The following PXDNL variants were observed in gnomAD, a reference collection of about 807,000 sequenced individuals.
PXDNL encodes the protein peroxidasin like, also known as probable oxidoreductase PXDNL.
PXDNL carries 145 observed loss-of-function variants against 150.8 expected under a neutral mutation model. The observed-to-expected ratio is 0.96, with a 90% confidence interval of 0.84 to 1.10. The LOEUF (loss-of-function observed/expected upper bound fraction) is 1.10. Ranked by LOEUF, PXDNL falls within the 50% of genes least tolerant of loss-of-function variation. The pLI, the probability that PXDNL is intolerant of heterozygous loss-of-function variation, is 0.00. For synonymous variants in PXDNL, 757 were observed against 725.7 expected (o/e 1.04, Z -0.69); for missense variants, 2,087 against 1,873.9 (o/e 1.11, Z -2.10).
intron 2 of PXDNL, among the ~76,000 whole-genome samples, chr8:51,638,792 C>T (rs188773840): frequency 7.9e-5 from 12 of 152,124 alleles, no homozygotes; most frequent in East Asian, 1.9e-4. Flanking sequence ...GACAGATCAA[C>T]GAGACAGAAA....
chr8:51,541,841 C>T lies in PXDNL; in HGVS notation c.380+14999G>A, dbSNP rs180869130. Among the ~76,000 whole-genome samples, 279 of 152,300 alleles carry T rather than the reference C, an allele frequency of 1.8e-3. 1 individual carries two copies. Among genetic ancestry groups the T allele is most frequent in the African/African-American group, 6.5e-3 (270 of 41,544 alleles). ...TTCCCTCATGGACCACAGCCCCTTG[C>T]AGCCTGCTCTCCAGTTCTCCAACAC... On this transcript the variant is annotated intron_variant, in intron 4 of 22. Coordinates refer to ENST00000356297, the MANE Select transcript of PXDNL (RefSeq NM_144651.5).
At chr8:51,664,863 C>T (rs1447678838) in intron 1 of PXDNL, among the ~76,000 whole-genome samples, 1 of 152,180 alleles carries the variant, frequency 6.6e-6, no homozygotes, top group Non-Finnish European at 1.5e-5. Context: ...ACTGAACCTG[C>T]TCATCACAGC....
At chr8:51,753,923 T>C (rs1471939959) in intron 1 of PXDNL, among the ~76,000 whole-genome samples, 1 of 152,198 alleles carries the variant, frequency 6.6e-6, no homozygotes, top group South Asian at 2.1e-4. Flanking sequence ...AAAGTCTCAC[T>C]TAACCTCAAC....
intron 19 of PXDNL, 60 bp from the exon 20 acceptor site, chr8:51,346,007 T>C (rs1475804442): frequency 1.9e-6 from 2 of 1,035,734 alleles, no homozygotes; most frequent in East Asian, 2.4e-5. Flanking sequence ...TGATCTCATC[T>C]AGATCATTTC....
In PXDNL at chr8:51,409,009, C is replaced by T. The variant is rs771054774; in HGVS notation, c.2615G>A (p.Gly872Asp). The change falls in exon 17 of 23, where the codon GGC becomes GAC. Residue 872 changes from glycine to aspartate, a missense_variant. Transcript: ENST00000356297. ...FARSSPACAS[G>D]RPSATVDSVY... ...TGAATCCACCGTCGCAGAGGGACGG[C>T]CGCTGGCACACGCGGGGCTGGAGCG... The T allele has an allele frequency of 6.8e-6, 11 of 1,611,132 alleles. No homozygotes were observed. In the Admixed American group the frequency reaches 1.8e-4, roughly 27 times the overall value.
intron 1 of PXDNL, among the ~76,000 whole-genome samples, chr8:51,760,447 C>T (rs1166839534): frequency 6.6e-6 from 1 of 151,988 alleles, no homozygotes; most frequent in Non-Finnish European, 1.5e-5. Context: ...ATGAATCCTC[C>T]CTTGGAAATT....
intron 4 of PXDNL, among the ~76,000 whole-genome samples, chr8:51,548,167 A>C (rs189085367): frequency 6.6e-6 from 1 of 152,230 alleles, no homozygotes; most frequent in Non-Finnish European, 1.5e-5. Context: ...TTTAAAAATG[A>C]ACAAAGCCTC....
rs775871011 is a variant in PXDNL, at chr8:51,409,014, G to A, written c.2610C>T (p.Ala870=). The A allele has an allele frequency of 1.2e-6, 2 of 1,610,946 alleles. No individual in the cohort carries two copies. Among genetic ancestry groups the A allele is most frequent in the East Asian group, 4.5e-5 (2 of 44,852 alleles). The change falls in exon 17 of 23, where the codon GCC becomes GCT. Residue 870 remains alanine, a synonymous_variant. Transcript: ENST00000356297. ...MLFARSSPAC[A]SGRPSATVDS... ...CCACCGTCGCAGAGGGACGGCCGCT[G>A]GCACACGCGGGGCTGGAGCGCGCGA...
At chr8:51,778,671 A>G (rs1450547995) in intron 1 of PXDNL, among the ~76,000 whole-genome samples, 1 of 152,230 alleles carries the variant, frequency 6.6e-6, no homozygotes, top group Non-Finnish European at 1.5e-5. Flanking sequence ...TGGCAGAGCC[A>G]TGATCCAAGC....
chr8:51,784,517 A>G (rs1382670125), intron 1 of PXDNL, among the ~76,000 whole-genome samples: 2 of 152,250 alleles, frequency 1.3e-5, no homozygotes, highest in African/African-American at 4.8e-5. Context: ...GTTCATAAAC[A>G]TTAAATAGAA....
intron 2 of PXDNL, among the ~76,000 whole-genome samples, chr8:51,654,186 G>A (rs1563496987): frequency 6.6e-6 from 1 of 152,126 alleles, no homozygotes; most frequent in Non-Finnish European, 1.5e-5. Context: ...ATTTATCAGT[G>A]CTTAGCCATA....
At chr8:51,623,331 C>T (rs1190145585) in intron 2 of PXDNL, among the ~76,000 whole-genome samples, 1 of 152,164 alleles carries the variant, frequency 6.6e-6, no homozygotes, top group Non-Finnish European at 1.5e-5. Flanking sequence ...CTCAGTTTCT[C>T]CAGTGGGTAA....
At chr8:51,364,420 C>G (rs886635413) in intron 19 of PXDNL, among the ~76,000 whole-genome samples, 20 of 152,284 alleles carry the variant, frequency 1.3e-4, no homozygotes, top group African/African-American at 4.8e-4. Context: ...AAGATAACAC[C>G]ATTGATGTGG....
At chr8:51,516,298 C>G (rs1317657994) in intron 4 of PXDNL, among the ~76,000 whole-genome samples, 3 of 152,128 alleles carry the variant, frequency 2.0e-5, no homozygotes, top group Admixed American at 2.0e-4. Context: ...AAATATAGCA[C>G]AGCCACTTTT....
chr8:51,323,415 A>C (rs553199854), intron 21 of PXDNL, among the ~76,000 whole-genome samples: 3 of 152,104 alleles, frequency 2.0e-5, no homozygotes, highest in South Asian at 2.1e-4. Context: ...AGGTAGCTGG[A>C]ACCACTGGTG....
chr8:51,549,144 A>G (rs1281959654), intron 4 of PXDNL, among the ~76,000 whole-genome samples: 3 of 152,192 alleles, frequency 2.0e-5, no homozygotes, highest in South Asian at 2.1e-4. Flanking sequence ...TTTTAAATAC[A>G]TATGCACATA....
At chr8:51,552,608 A>G (rs532873955) in intron 4 of PXDNL, among the ~76,000 whole-genome samples, 14 of 152,340 alleles carry the variant, frequency 9.2e-5, no homozygotes, top group East Asian at 5.8e-4. Context: ...GTAGGTTCTC[A>G]TAAGTGCGAA....
chr8:51,790,692 G>A (rs1412566777), intron 1 of PXDNL, among the ~76,000 whole-genome samples: 3 of 128,184 alleles, frequency 2.3e-5, no homozygotes, highest in East Asian at 4.6e-4. Flanking sequence ...TGGAGGCGGC[G>A]GAGGGCAGCG....
chr8:51,365,692 A>T (rs1806893931), intron 19 of PXDNL, among the ~76,000 whole-genome samples: 1 of 152,262 alleles, frequency 6.6e-6, no homozygotes, highest in African/African-American at 2.4e-5. Flanking sequence ...AGAACATCGT[A>T]GCCTGTGAGT....
Sources: allele counts gnomAD v4.1 joint callset (sites outside exome capture counted in the v4.1 genomes callset), GRCh38; gene constraint gnomAD v4.1.1; transcripts MANE v1.5; gene names NCBI Gene and HGNC (gene_info 2026-07-23, HGNC 2026-07-21).